Variants in PREX2 observed in about 807,000 individuals in gnomAD.
The protein encoded by PREX2 is phosphatidylinositol 3,4,5-trisphosphate-dependent Rac exchanger 2 protein.
Under a neutral mutation model 203.2 loss-of-function variants are expected in PREX2, and 107 were observed. The ratio of observed to expected loss-of-function variants is 0.53; its 90% CI spans 0.45 to 0.62. PREX2 has a LOEUF of 0.62. PREX2 is among the 20% of genes least tolerant of loss of function. The probability of loss-of-function intolerance (pLI) is 0.00; values close to 1 mark genes in which losing one functional copy is unlikely to be tolerated. For synonymous variants in PREX2, 672 were observed against 663.6 expected (o/e 1.01, Z -0.19); for missense variants, 1,777 against 1,955.9 (o/e 0.91, Z 1.72).
chr8:67,971,405 T>G (rs1340765961), intron 1 of PREX2, among the ~76,000 whole-genome samples: 1 of 151,712 alleles, frequency 6.6e-6, no homozygotes, highest in Non-Finnish European at 1.5e-5. Context: ...GGAGAGAGGG[T>G]GGAAGTCAAG....
chr8:68,120,968 C>A lies in PREX2; in HGVS notation c.3643C>A (p.Arg1215=), dbSNP rs964579317. The part of the protein sequence containing the change: ...EPKLSCPKRL[R]LHIKQDPWNL... Reference sequence around the variant, plus strand: ...AAAGCTGAGTTGTCCAAAAAGGCTACGGCTTCATATCAAGCAAGATCCTTG... The same window carrying A: ...AAAGCTGAGTTGTCCAAAAAGGCTAAGGCTTCATATCAAGCAAGATCCTTG... The change falls in exon 30 of 40, where the codon CGG becomes AGG. Residue 1215 remains arginine (R), a synonymous_variant. Transcript: ENST00000288368. 1.2e-6 allele frequency: 2 copies of A among 1,613,404 alleles called. No individual in the cohort carries two copies. Among genetic ancestry groups the A allele is most frequent in the East Asian group, 2.2e-5 (1 of 44,848 alleles).
chr8:68,119,465 A>G lies in PREX2; in HGVS notation c.3455A>G (p.His1152Arg). 1 of 1,612,506 alleles carries G rather than the reference A, an allele frequency of 6.2e-7. No individual in the cohort carries two copies. The highest frequency in any genetic ancestry group is 8.5e-7 in the Non-Finnish European group (1 of 1,178,694). ...CTTCCCTTAAGTGTTCGCATATCTC[A>G]TGATAAACAGGACAAGATACATAGT... ...DELPLSVRISHDKQDKIHSCL... is the reference protein window; with the variant it reads ...DELPLSVRISRDKQDKIHSCL... The change falls in exon 28 of 40, where the codon CAT (histidine) becomes CGT (arginine). Residue 1152 changes from histidine (H) to arginine (R), a missense_variant. Coordinates refer to ENST00000288368, the MANE Select transcript of PREX2 (RefSeq NM_024870.4).
chr8:67,997,478 C>G (rs1806799686), intron 1 of PREX2, among the ~76,000 whole-genome samples: 1 of 152,094 alleles, frequency 6.6e-6, no homozygotes, highest in Non-Finnish European at 1.5e-5. Context: ...TGTATTTGTC[C>G]ATTTTATGCT....
chr8:68,064,475 C>T (rs1373664652), intron 11 of PREX2, among the ~76,000 whole-genome samples: 1 of 151,944 alleles, frequency 6.6e-6, no homozygotes, highest in Admixed American at 6.6e-5. Context: ...CTCAAGCGAT[C>T]CTCCTACCTT....
chr8:68,017,788 C>T (rs1051654166), intron 1 of PREX2, 58 bp from the exon 2 acceptor site: 18 of 1,380,264 alleles, frequency 1.3e-5, no homozygotes, highest in Admixed American at 5.3e-5. Flanking sequence ...TTCTACTCAA[C>T]ACCCAGTCAT....
intron 10 of PREX2, among the ~76,000 whole-genome samples, chr8:68,057,450 A>G (rs1808714822): frequency 6.6e-6 from 1 of 152,172 alleles, no homozygotes; most frequent in Admixed American, 6.5e-5. Context: ...TCAGAAATCT[A>G]TAGGCCAGGA....
At chr8:68,215,404 G>A (rs533886682) in intron 37 of PREX2, among the ~76,000 whole-genome samples, 1 of 152,152 alleles carries the variant, frequency 6.6e-6, no homozygotes, top group South Asian at 2.1e-4. Flanking sequence ...TTCAGCTGGT[G>A]TAATGAACAT....
intron 1 of PREX2, among the ~76,000 whole-genome samples, chr8:68,007,975 T>C (rs948576595): frequency 6.6e-6 from 1 of 152,184 alleles, no homozygotes; most frequent in African/African-American, 2.4e-5. Flanking sequence ...AGATACCATA[T>C]TACTCTTATC....
Position 68,030,709 on chromosome 8 carries a change from G to A in PREX2, c.705+51G>A, listed in dbSNP as rs371600571. On this transcript the variant is annotated intron_variant, in intron 6 of 39. Coordinates refer to ENST00000288368, the MANE Select transcript of PREX2 (RefSeq NM_024870.4). ...AGCTTAAGATAGTTTTATGTTGCAG[G>A]CCTCGTGCAGAATTACTGGCGTTGG... The A allele has an allele frequency of 1.5e-5, 24 of 1,570,246 alleles. No individual in the cohort carries two copies. The African/African-American group carries it at 3.1e-4, about 20-fold the overall frequency.
chr8:68,115,021 C>CTTTTTTTTTTTTTTTTTTTTTT (rs5892137), intron 25 of PREX2, among the ~76,000 whole-genome samples: 6 of 86,842 alleles, frequency 6.9e-5, no homozygotes, highest in African/African-American at 2.8e-4. Flanking sequence ...TCTTTTCTTT[C>CTTTTTTTTTTTTTTTTTTTTTT]TTTTTTTTTT....
intron 1 of PREX2, among the ~76,000 whole-genome samples, chr8:67,955,643 C>T (rs1236766435): frequency 6.6e-6 from 1 of 152,212 alleles, no homozygotes; most frequent in Admixed American, 6.5e-5. Flanking sequence ...TGTTAGACCT[C>T]CTTGAGGACA....
intron 1 of PREX2, among the ~76,000 whole-genome samples, chr8:68,003,296 G>T (rs1424429033): frequency 6.6e-6 from 1 of 152,114 alleles, no homozygotes; most frequent in Non-Finnish European, 1.5e-5. Flanking sequence ...GATTATAGGT[G>T]AATGCTGCTG....
Position 68,236,756 on chromosome 8 carries a change from T to C in PREX2, c.*5378T>C, listed in dbSNP as rs1453630976. ...CAAAATATCAAATTGGTTCTATAAA[T>C]AGTAATTGTTTTGAATATATCCATA... On this transcript the variant is annotated 3_prime_UTR_variant, in exon 40 of 40. Coordinates refer to ENST00000288368, the MANE Select transcript of PREX2 (RefSeq NM_024870.4). 1.3e-5 allele frequency: 2 copies of C among 152,140 alleles called. No individual in the cohort carries two copies. Among genetic ancestry groups the C allele is most frequent in the Non-Finnish European group, 2.9e-5 (2 of 67,994 alleles). 9.4% of individuals were successfully genotyped at this position (152,140 alleles called of 1,614,324 possible).
At chr8:68,108,363 T>G in intron 24 of PREX2, 32 bp downstream of exon 24, 1 of 1,539,524 alleles carries the variant, frequency 6.5e-7, no homozygotes, top group Non-Finnish European at 9.0e-7. Context: ...TATCAAATCA[T>G]GAAAAGCAAT....
At chr8:68,217,546 G>A in intron 37 of PREX2, 70 bp from the exon 38 acceptor site, 3 of 1,094,806 alleles carry the variant, frequency 2.7e-6, no homozygotes, top group Non-Finnish European at 4.2e-6. Context: ...TTTGTGATTA[G>A]TAATCCACAT....
intron 8 of PREX2, among the ~76,000 whole-genome samples, chr8:68,045,514 G>A (rs937944538): frequency 1.3e-5 from 2 of 152,002 alleles, no homozygotes; most frequent in African/African-American, 2.4e-5. Flanking sequence ...TCACCTGTAG[G>A]CAATTTCTCA....
At chr8:68,149,837 C>A (rs1811399654) in intron 34 of PREX2, among the ~76,000 whole-genome samples, 1 of 152,150 alleles carries the variant, frequency 6.6e-6, no homozygotes, top group African/African-American at 2.4e-5. Context: ...AGTGAGAAAC[C>A]ACTCTAGGTC....
chr8:68,180,867 A>G (rs529566845), intron 35 of PREX2, among the ~76,000 whole-genome samples: 1 of 152,214 alleles, frequency 6.6e-6, no homozygotes, highest in South Asian at 2.1e-4. Flanking sequence ...GGACTTCTTC[A>G]GGAGAAATTT....
At chr8:68,011,762 G>A (rs1401630722) in intron 1 of PREX2, among the ~76,000 whole-genome samples, 1 of 152,062 alleles carries the variant, frequency 6.6e-6, no homozygotes, top group Non-Finnish European at 1.5e-5. Flanking sequence ...TTAGGCCAAT[G>A]GAAGCTAAAT....
Sources: allele counts gnomAD v4.1 joint callset (sites outside exome capture counted in the v4.1 genomes callset), GRCh38; gene constraint gnomAD v4.1.1; transcripts MANE v1.5; gene names NCBI Gene and HGNC (gene_info 2026-07-23, HGNC 2026-07-21).